The following PCDHGA9 variants were observed in gnomAD, a reference collection of about 807,000 sequenced individuals.
PCDHGA9 encodes protocadherin gamma-A9.
A neutral mutation model predicts 62.5 loss-of-function variants in PCDHGA9; 37 were observed. That is an observed-to-expected ratio of 0.59 (90% CI 0.46 to 0.78). The LOEUF (loss-of-function observed/expected upper bound fraction) is 0.78, where lower values mean the gene tolerates loss of function less well. Among genes scored for constraint, PCDHGA9 ranks in the 30% least tolerant of loss-of-function variants. The pLI, the probability that PCDHGA9 is intolerant of heterozygous loss-of-function variation, is 0.00. For synonymous variants in PCDHGA9, 459 were observed against 484.6 expected, an observed-to-expected ratio of 0.95 and a Z score of 0.69; for missense variants, 1,138 against 1,166.2, an observed-to-expected ratio of 0.98 and a Z score of 0.35.
In PCDHGA9 at chr5:141,477,533, G is replaced by C. The variant is rs780541121; in HGVS notation, c.2425-17274G>C. On this transcript the variant is annotated intron_variant, in intron 1 of 3. Transcript: ENST00000573521. This position sits in a 1 kb window ranked among gnomAD's most constrained non-coding sequence, Gnocchi z 4.9. ...TTACATTGAAGAAAACAACCTCCCC[G>C]GGGCTCCAATACTAAACCTAAGTGT... The C allele has an allele frequency of 6.2e-7, 1 of 1,613,892 alleles. No individual in the cohort carries two copies. The highest frequency in any genetic ancestry group is 1.3e-5 in the African/African-American group (1 of 74,852).
At chr5:141,503,363 G>A (rs2099819478) in intron 2 of PCDHGA9, among the ~76,000 whole-genome samples, 2 of 152,132 alleles carry the variant, frequency 1.3e-5, no homozygotes, top group East Asian at 1.9e-4. Context: ...TTGGGAAGCG[G>A]AGGCAGGTGG....
chr5:141,436,594 G>A (rs79477223), intron 1 of PCDHGA9, among the ~76,000 whole-genome samples: 2 of 152,106 alleles, frequency 1.3e-5, no homozygotes, highest in African/African-American at 2.4e-5. Flanking sequence ...AAAGGTCGTG[G>A]TGATGGCTAG....
rs747179611 is a variant in PCDHGA9 at position 141,476,473 on chromosome 5, C to T, written c.2425-18334C>T. ...TAGTGGAGAACCCGCTGGAGCTGTT[C>T]AGCGTGGAAGTGGTGATCCAGGACA... On this transcript the variant is annotated intron_variant, in intron 1 of 3. Coordinates refer to ENST00000573521, the MANE Select transcript of PCDHGA9 (RefSeq NM_018921.3). The surrounding 1 kb of genome is among the most constrained non-coding windows in gnomAD (Gnocchi z 7.6). 3.1e-6 allele frequency: 5 copies of T among 1,613,888 alleles called. No homozygotes were observed. The highest frequency in any genetic ancestry group is 3.3e-5 in the Admixed American group (2 of 59,984).
intron 1 of PCDHGA9, chr5:141,419,742 T>C (rs1388509503): frequency 2.5e-5 from 41 of 1,613,742 alleles, no homozygotes; most frequent in Non-Finnish European, 3.5e-5. Context: ...GAGGTGCGCA[T>C]GGTGCGTGCT....
chr5:141,501,544 G>T (rs1297191346), intron 2 of PCDHGA9, among the ~76,000 whole-genome samples: 3 of 151,962 alleles, frequency 2.0e-5, no homozygotes, highest in African/African-American at 7.3e-5. Flanking sequence ...TTGTGCATAA[G>T]ATCATAGGCC....
chr5:141,478,748 A>G (rs2099474609), intron 1 of PCDHGA9: 2 of 1,525,644 alleles, frequency 1.3e-6, no homozygotes, highest in African/African-American at 1.4e-5. Context: ...GTCCCATTTC[A>G]GGGGGAAGAT....
At position 141,511,106 on chromosome 5, in the gene PCDHGA9, G is replaced by T. The variant is rs536900646; in HGVS notation, c.2732G>T (p.Arg911Leu). ...NATLTNAAGK[R>L]DGKAPAGGNG... is the part of the protein sequence containing the mutation. Reference sequence around the variant, plus strand: ...ACACTGACCAACGCAGCTGGCAAGCGGGATGGCAAGGCCCCAGCAGGTGGC... The same window carrying T: ...ACACTGACCAACGCAGCTGGCAAGCTGGATGGCAAGGCCCCAGCAGGTGGC... Residue 911 changes from arginine to leucine, a missense_variant, in exon 4 of 4, where the codon CGG becomes CTG. Transcript: ENST00000573521. 8.7e-6 allele frequency: 14 copies of T among 1,614,196 alleles called. No individual in the cohort carries two copies. Among genetic ancestry groups the T allele is most frequent in the Non-Finnish European group, 1.2e-5 (14 of 1,180,016 alleles).
chr5:141,420,488 A>C, intron 1 of PCDHGA9: 1 of 534,916 alleles, frequency 1.9e-6, no homozygotes, highest in East Asian at 3.8e-5. Context: ...CTACATGGGT[A>C]ATCTCCGGTG....
chr5:141,423,605 T>G lies in PCDHGA9; in HGVS notation c.2424+18229T>G. The G allele has an allele frequency of 1.6e-5, 26 of 1,612,620 alleles. No individual in the cohort carries two copies. Among genetic ancestry groups the G allele is most frequent in the Non-Finnish European group, 2.0e-5 (24 of 1,179,120 alleles). On this transcript the variant is annotated intron_variant, in intron 1 of 3. Transcript: ENST00000573521. Reference sequence around the variant, plus strand: ...AGCTGTGAGAAAAGCGAGCCACTCTTGATAGCTGAAGACTCAGCTATCATT... The same window carrying G: ...AGCTGTGAGAAAAGCGAGCCACTCTGGATAGCTGAAGACTCAGCTATCATT...
chr5:141,426,238 T>C, intron 1 of PCDHGA9: 1 of 158,644 alleles, frequency 6.3e-6, no homozygotes, highest in Admixed American at 5.9e-5. Context: ...AAGCACTTTG[T>C]GAAACATTTT....
chr5:141,489,150 T>C lies in PCDHGA9; in HGVS notation c.2425-5657T>C. The C allele has an allele frequency of 1.7e-5, 15 of 862,654 alleles. No individual in the cohort carries two copies. Among genetic ancestry groups the C allele is most frequent in the Middle Eastern group, 2.5e-4 (1 of 4,044 alleles). 53.4% of individuals were successfully genotyped at this position (862,654 alleles called of 1,614,324 possible). On this transcript the variant is annotated intron_variant, in intron 1 of 3. Transcript: ENST00000573521. The surrounding 1 kb of genome is among the most constrained non-coding windows in gnomAD (Gnocchi z 4.5). ...GTTTTTAAGAGGCTGGAAGGAGACA[T>C]AAGAGACTTCAGCTGCTGCATTCCA...
At chr5:141,435,884 C>G (rs1020738994) in intron 1 of PCDHGA9, among the ~76,000 whole-genome samples, 9 of 152,070 alleles carry the variant, frequency 5.9e-5, no homozygotes, top group African/African-American at 1.9e-4. Flanking sequence ...ATTGGAAACC[C>G]CTTAGAGAAT....
chr5:141,511,276 T>C lies in PCDHGA9; in HGVS notation c.*103T>C. On this transcript the variant is annotated 3_prime_UTR_variant, in exon 4 of 4. Coordinates refer to ENST00000573521, the MANE Select transcript of PCDHGA9 (RefSeq NM_018921.3). ...AGAGTTTCAGGGCTAACCCCCAGAA[T>C]ACTGGTAGGGGCCAAGGCCATGCTC... 6.5e-7 allele frequency: 1 copy of C among 1,538,084 alleles called. No homozygotes were observed. Among genetic ancestry groups the C allele is most frequent in the Non-Finnish European group, 8.8e-7 (1 of 1,140,720 alleles).
At position 141,404,364 on chromosome 5, in the gene PCDHGA9, T is replaced by A. The variant is rs1353392173; in HGVS notation, c.1412T>A (p.Ile471Asn). The A allele has an allele frequency of 2.5e-6, 4 of 1,613,962 alleles. No individual in the cohort carries two copies. The highest frequency in any genetic ancestry group is 3.4e-6 in the Non-Finnish European group (4 of 1,179,896). The change falls in exon 1 of 4, where the codon ATC becomes AAC. Residue 471 changes from isoleucine (I) to asparagine (N), a missense_variant. Coordinates refer to ENST00000573521, the MANE Select transcript of PCDHGA9 (RefSeq NM_018921.3). ...LPENNARGTS[I>N]FSVIAYDPDS... is the part of the protein sequence containing the mutation. ...GAAAACAACGCCAGAGGTACTTCCA[T>A]CTTCTCCGTGATTGCCTATGACCCT... is the stretch of plus-strand genomic sequence containing the variant.
chr5:141,511,135 G>A lies in PCDHGA9; in HGVS notation c.2761G>A (p.Gly921Ser), dbSNP rs200541479. Residue 921 changes from glycine to serine, a missense_variant, in exon 4 of 4, where the codon GGC becomes AGC. Physicochemically the swap from Gly to Ser is moderately conservative, Grantham distance 56. Coordinates refer to ENST00000573521, the MANE Select transcript of PCDHGA9 (RefSeq NM_018921.3). The stretch of plus-strand genomic sequence containing the variant: ...TGGCAAGGCCCCAGCAGGTGGCAAT[G>A]GCAACAAGAAGAAGTCGGGCAAGAA... ...RDGKAPAGGN[G>S]NKKKSGKKEK... 2.8e-4 allele frequency: 448 copies of A among 1,614,188 alleles called. No homozygotes were observed. Among genetic ancestry groups the A allele is most frequent in the Non-Finnish European group, 3.0e-4 (352 of 1,180,016 alleles).
At chr5:141,483,487 A>G (rs777951096) in intron 1 of PCDHGA9, among the ~76,000 whole-genome samples, 4 of 152,006 alleles carry the variant, frequency 2.6e-5, no homozygotes, top group Non-Finnish European at 5.9e-5. Context: ...AGTGAGGGAC[A>G]GGGATGAGTC....
Position 141,490,440 on chromosome 5 carries a change from T to G in PCDHGA9, c.2425-4367T>G, listed in dbSNP as rs560525159. The G allele has an allele frequency of 6.2e-7, 1 of 1,614,206 alleles. No individual in the cohort carries two copies. The highest frequency in any genetic ancestry group is 1.7e-5 in the Admixed American group (1 of 60,026). On this transcript the variant is annotated intron_variant, in intron 1 of 3. Transcript: ENST00000573521. This position sits in a 1 kb window ranked among gnomAD's most constrained non-coding sequence, Gnocchi z 5.4. ...ACCTGCCATTTCAGATTAAGCCTTCTGAGAACCACTACTCGCTGCTAACCA... is the reference window on the plus strand; with the variant it reads ...ACCTGCCATTTCAGATTAAGCCTTCGGAGAACCACTACTCGCTGCTAACCA...
Position 141,476,511 on chromosome 5 carries a change from A to G in PCDHGA9, c.2425-18296A>G, listed in dbSNP as rs1562054650. Reference sequence around the variant, plus strand: ...GTGATCCAGGACATCAACGACAACAATCCTGCTTTCCCTACCCAGGAAATG... The same window carrying G: ...GTGATCCAGGACATCAACGACAACAGTCCTGCTTTCCCTACCCAGGAAATG... On this transcript the variant is annotated intron_variant, in intron 1 of 3. Transcript: ENST00000573521. The surrounding 1 kb of genome is among the most constrained non-coding windows in gnomAD (Gnocchi z 7.6). The G allele has an allele frequency of 5.0e-6, 8 of 1,613,902 alleles. No individual in the cohort carries two copies. The highest frequency in any genetic ancestry group is 6.8e-6 in the Non-Finnish European group (8 of 1,179,960).
chr5:141,419,705 C>A, intron 1 of PCDHGA9: 1 of 1,613,038 alleles, frequency 6.2e-7, no homozygotes, highest in South Asian at 1.1e-5. Flanking sequence ...TGAGCCCGGG[C>A]TCTTCAGCCT....
Sources: gnomAD v4.1 joint callset for allele counts (sites outside exome capture counted in the v4.1 genomes callset) on GRCh38, gnomAD v4.1.1 for gene constraint, Gnocchi (gnomAD v3.1) non-coding constraint, MANE v1.5 for transcripts, NCBI Gene and HGNC (gene_info 2026-07-23, HGNC 2026-07-21) for gene names.